CCDC175: variants seen among roughly 807,000 people sequenced by gnomAD.
CCDC175 encodes coiled-coil domain-containing protein 175.
CCDC175 carries 100 observed loss-of-function variants against 114.6 expected under a neutral mutation model. The ratio of observed to expected loss-of-function variants is 0.87; its 90% confidence interval spans 0.74 to 1.03. The LOEUF is 1.03. Among genes scored for constraint, CCDC175 ranks in the 50% least tolerant of loss-of-function variants. The pLI is 0.00. For missense variants in CCDC175, 880 were observed against 917.8 expected, an observed-to-expected ratio of 0.96 and a Z score of 0.53; for synonymous variants, 306 against 308.7, an observed-to-expected ratio of 0.99 and a Z score of 0.09.
chr14:59,547,380 T>C (rs953776275), intron 8 of CCDC175, among the ~76,000 whole-genome samples: 5 of 152,110 alleles, frequency 3.3e-5, no homozygotes, highest in Non-Finnish European at 5.9e-5. Context: ...CGTGACAAAA[T>C]TGAAAAGGTC....
intron 16 of CCDC175, 25 bp from the exon 17 acceptor site, chr14:59,521,701 C>T: frequency 1.5e-6 from 2 of 1,295,854 alleles, no homozygotes; most frequent in South Asian, 1.3e-5. Context: ...CATGTGATTG[C>T]TTTTAGCAGT....
intron 8 of CCDC175, among the ~76,000 whole-genome samples, chr14:59,545,832 C>T (rs1189415596): frequency 6.6e-6 from 1 of 152,126 alleles, no homozygotes; most frequent in Non-Finnish European, 1.5e-5. Flanking sequence ...TTCAAAACAA[C>T]CTTCTATCTG....
At chr14:59,571,942 C>T (rs2140132062) in intron 3 of CCDC175, among the ~76,000 whole-genome samples, 1 of 152,198 alleles carries the variant, frequency 6.6e-6, no homozygotes, top group African/African-American at 2.4e-5. Flanking sequence ...TGCTCCAAAA[C>T]CCCAAACCTT....
At chr14:59,569,695 C>T (rs1046827633) in intron 3 of CCDC175, among the ~76,000 whole-genome samples, 1 of 152,108 alleles carries the variant, frequency 6.6e-6, no homozygotes, top group Non-Finnish European at 1.5e-5. Flanking sequence ...TTTTCCCTGG[C>T]AAACTAGACT....
intron 17 of CCDC175, among the ~76,000 whole-genome samples, chr14:59,512,328 A>C (rs561370423): frequency 3.0e-4 from 46 of 152,334 alleles, no homozygotes; most frequent in African/African-American, 1.1e-3. Context: ...CTGTCTGAGC[A>C]GCTGAGGCCA....
intron 17 of CCDC175, among the ~76,000 whole-genome samples, chr14:59,513,905 G>A (rs1302245996): frequency 6.6e-6 from 1 of 152,164 alleles, no homozygotes. Flanking sequence ...GCGTAACTGG[G>A]AGGCACCTCC....
At chr14:59,535,418 A>T (rs1223856199) in intron 13 of CCDC175, among the ~76,000 whole-genome samples, 1 of 152,190 alleles carries the variant, frequency 6.6e-6, no homozygotes, top group African/African-American at 2.4e-5. Context: ...GTTAAATAGG[A>T]TCCTTATTCC....
At chr14:59,514,281 A>AG (rs1292221196) in intron 17 of CCDC175, among the ~76,000 whole-genome samples, 1 of 152,240 alleles carries the variant, frequency 6.6e-6, no homozygotes, top group Non-Finnish European at 1.5e-5. Context: ...AAAGGAACGC[A>AG]GCTCCTCACC....
At chr14:59,573,972 T>C (rs541257574) in intron 2 of CCDC175, among the ~76,000 whole-genome samples, 3 of 152,294 alleles carry the variant, frequency 2.0e-5, no homozygotes, top group South Asian at 2.1e-4. Flanking sequence ...ACAGACTAGA[T>C]ACTTTAACCA....
At chr14:59,564,425 C>A (rs77536272) in intron 5 of CCDC175, 1 of 153,244 alleles carries the variant, frequency 6.5e-6, no homozygotes, top group Non-Finnish European at 1.5e-5. Flanking sequence ...AACCACCTCT[C>A]CCCCAGTCAA....
chr14:59,531,576 A>G (rs1307895448), intron 14 of CCDC175, among the ~76,000 whole-genome samples, 196 bp downstream of exon 14: 1 of 152,218 alleles, frequency 6.6e-6, no homozygotes, highest in Non-Finnish European at 1.5e-5. Context: ...AATTTTGACA[A>G]TAGCAATGGT....
At chr14:59,534,558 A>G (rs1221317862) in intron 13 of CCDC175, among the ~76,000 whole-genome samples, 2 of 152,176 alleles carry the variant, frequency 1.3e-5, no homozygotes, top group Non-Finnish European at 2.9e-5. Context: ...GTGTAACTAG[A>G]TATCACAGTT....
At chr14:59,539,191 C>A (rs1257615220) in intron 11 of CCDC175, among the ~76,000 whole-genome samples, 2 of 152,162 alleles carry the variant, frequency 1.3e-5, no homozygotes, top group African/African-American at 4.8e-5. Flanking sequence ...ACCTAAATTA[C>A]CGGATGTGCT....
chr14:59,547,416 A>T (rs3899646), intron 8 of CCDC175, among the ~76,000 whole-genome samples: 79,360 of 151,508 alleles, frequency 0.52, 21,742 homozygotes, highest in East Asian at 0.81. Context: ...ACTTTTGAAG[A>T]ACAAAGGTGA....
chr14:59,505,467 G>T (rs1373555362), intron 19 of CCDC175, 152 bp from the exon 20 acceptor site: 2 of 415,434 alleles, frequency 4.8e-6, no homozygotes, highest in Non-Finnish European at 8.5e-6. Context: ...TCATGTGTCT[G>T]ATTACTAGGA....
chr14:59,573,919 C>G (rs1480462862), intron 2 of CCDC175, among the ~76,000 whole-genome samples: 1 of 152,116 alleles, frequency 6.6e-6, no homozygotes, highest in Non-Finnish European at 1.5e-5. Context: ...CCAGCCTGAT[C>G]TCTGTTGTTT....
At chr14:59,526,706 C>T (rs1430362947) in intron 15 of CCDC175, among the ~76,000 whole-genome samples, 1 of 152,132 alleles carries the variant, frequency 6.6e-6, no homozygotes, top group Non-Finnish European at 1.5e-5. Context: ...GCTGCTAATT[C>T]ATCCACTCCC....
intron 10 of CCDC175, among the ~76,000 whole-genome samples, 198 bp from the exon 11 acceptor site, chr14:59,540,944 A>C (rs559303165): frequency 6.6e-6 from 1 of 152,316 alleles, no homozygotes; most frequent in East Asian, 1.9e-4. Context: ...TGATTCTGCA[A>C]CGGTTGTGGT....
chr14:59,531,489 C>A (rs533766164), intron 14 of CCDC175, among the ~76,000 whole-genome samples: 3 of 152,228 alleles, frequency 2.0e-5, no homozygotes, highest in East Asian at 3.9e-4. Context: ...TTAGTTCTAC[C>A]TTTCCCAAGT....
Sources: gnomAD v4.1 joint callset for allele counts (sites outside exome capture counted in the v4.1 genomes callset) on GRCh38, gnomAD v4.1.1 for gene constraint, MANE v1.5 for transcripts, NCBI Gene and HGNC (gene_info 2026-07-23, HGNC 2026-07-21) for gene names.